Variants in SESTD1 observed in about 807,000 individuals in gnomAD.
The protein encoded by SESTD1 is SEC14 domain and spectrin repeat-containing protein 1.
Under a neutral mutation model 101.7 loss-of-function variants are expected in SESTD1, and 43 were observed. The ratio of observed to expected loss-of-function variants is 0.42; its 90% confidence interval spans 0.33 to 0.55. SESTD1 has a LOEUF of 0.55. SESTD1 is among the 20% of genes least tolerant of loss of function. The pLI, the probability that SESTD1 is intolerant of heterozygous loss-of-function variation, is 0.07. For synonymous variants in SESTD1, 283 were observed against 286.8 expected (o/e 0.99, Z 0.13); for missense variants, 647 against 815.1 (o/e 0.79, Z 2.51).
At chr2:179,184,572 T>C (rs924329200) in intron 2 of SESTD1, among the ~76,000 whole-genome samples, 1 of 150,830 alleles carries the variant, frequency 6.6e-6, no homozygotes, top group Non-Finnish European at 1.5e-5. Context: ...AAAAAAAAAA[T>C]GGATTAACAC....
intron 1 of SESTD1, among the ~76,000 whole-genome samples, chr2:179,241,429 T>C (rs1403122415): frequency 6.6e-6 from 1 of 152,066 alleles, no homozygotes; most frequent in African/African-American, 2.4e-5. Context: ...ATTAAACTTT[T>C]GAAAACTAAG....
chr2:179,199,763 T>G (rs950788019), intron 1 of SESTD1, among the ~76,000 whole-genome samples: 1 of 152,228 alleles, frequency 6.6e-6, no homozygotes, highest in Non-Finnish European at 1.5e-5. Context: ...CAACCCTTCA[T>G]GCTAAAAACT....
intron 2 of SESTD1, among the ~76,000 whole-genome samples, chr2:179,189,728 G>C (rs1043953132): frequency 3.3e-5 from 5 of 151,928 alleles, no homozygotes; most frequent in African/African-American, 9.7e-5. Flanking sequence ...TAAAATGTCA[G>C]GGTAAAAAAA....
chr2:179,163,206 C>G (rs1379489699), intron 5 of SESTD1, among the ~76,000 whole-genome samples: 1 of 152,070 alleles, frequency 6.6e-6, no homozygotes, highest in Non-Finnish European at 1.5e-5. Flanking sequence ...TACTAGTAAC[C>G]TCATTTATCA....
chr2:179,137,208 C>G (rs1302963931), intron 9 of SESTD1, among the ~76,000 whole-genome samples: 3 of 152,168 alleles, frequency 2.0e-5, no homozygotes, highest in Non-Finnish European at 2.9e-5. Context: ...AACCTTGGAG[C>G]CATGCTTTTA....
At chr2:179,231,977 A>G (rs2046995429) in intron 1 of SESTD1, among the ~76,000 whole-genome samples, 1 of 152,058 alleles carries the variant, frequency 6.6e-6, no homozygotes, top group Admixed American at 6.5e-5. Flanking sequence ...GTACAGACAT[A>G]GGAACATAAC....
intron 10 of SESTD1, among the ~76,000 whole-genome samples, chr2:179,126,449 T>C (rs998023993): frequency 3.9e-5 from 6 of 152,142 alleles, no homozygotes; most frequent in Non-Finnish European, 8.8e-5. Context: ...CTCCCTCTTT[T>C]TGCACTTAAA....
At chr2:179,237,870 T>C (rs932057768) in intron 1 of SESTD1, among the ~76,000 whole-genome samples, 2 of 152,026 alleles carry the variant, frequency 1.3e-5, no homozygotes, top group East Asian at 1.9e-4. Flanking sequence ...AATTTGGAAA[T>C]GAAACTGTAA....
At chr2:179,188,602 G>T (rs1574019061) in intron 2 of SESTD1, among the ~76,000 whole-genome samples, 1 of 152,160 alleles carries the variant, frequency 6.6e-6, no homozygotes, top group East Asian at 1.9e-4. Flanking sequence ...TTGTACTACT[G>T]ATCTCCACCC....
intron 1 of SESTD1, among the ~76,000 whole-genome samples, chr2:179,237,947 A>G (rs2047093550): frequency 6.6e-6 from 1 of 152,182 alleles, no homozygotes; most frequent in Non-Finnish European, 1.5e-5. Context: ...ACATAGTCAA[A>G]AATCCACATG....
intron 5 of SESTD1, among the ~76,000 whole-genome samples, chr2:179,170,834 G>A (rs894617686): frequency 1.3e-5 from 2 of 152,156 alleles, no homozygotes; most frequent in African/African-American, 4.8e-5. Context: ...CATGTACACA[G>A]GCCATGAGGG....
intron 9 of SESTD1, among the ~76,000 whole-genome samples, chr2:179,140,066 C>T (rs2045243204): frequency 6.6e-6 from 1 of 152,164 alleles, no homozygotes; most frequent in Non-Finnish European, 1.5e-5. Context: ...ATTCCGTTTA[C>T]GTCCACCTTG....
rs893018912 is a variant in SESTD1 at position 179,196,940 on chromosome 2, G to A, written c.-25-5074C>T. On this transcript the variant is annotated intron_variant, in intron 1 of 17. Transcript: ENST00000428443. Reference sequence around the variant, plus strand: ...AGGAACGCAGTTCCTCAACAACAACGGAACAAAGCTGGACGGAGAATGATT... The same window carrying A: ...AGGAACGCAGTTCCTCAACAACAACAGAACAAAGCTGGACGGAGAATGATT... Among the ~76,000 whole-genome samples, 93 of 152,186 alleles carry A rather than the reference G, an allele frequency of 6.1e-4. 1 individual carries two copies. Among genetic ancestry groups the A allele is most frequent in the Non-Finnish European group, 1.5e-4 (10 of 68,026 alleles).
intron 3 of SESTD1, among the ~76,000 whole-genome samples, chr2:179,180,717 G>A (rs569164955): frequency 1.3e-5 from 2 of 152,262 alleles, no homozygotes; most frequent in South Asian, 2.1e-4. Context: ...GGGGGGTTAC[G>A]TTTTAAAAGC....
chr2:179,211,852 CAG>C lies in SESTD1; in HGVS notation c.-25-19988_-25-19987del, dbSNP rs1253046650. Among the ~76,000 whole-genome samples the C allele has an allele frequency of 1.9e-4, 25 of 129,026 alleles. 4 individuals carry two copies. The highest frequency in any genetic ancestry group is 3.1e-4 in the Non-Finnish European group (19 of 61,278). The allele number at this position is 129,026 out of a possible 152,430, so 84.6% of individuals were successfully genotyped here. On this transcript the variant is annotated intron_variant, in intron 1 of 17. Coordinates refer to ENST00000428443, the MANE Select transcript of SESTD1 (RefSeq NM_178123.5). ...AATGATATAATGGACTCTGGGGACT[CAG>C]GGGGAAGGGTGGGAGGGGGATGAGA...
intron 9 of SESTD1, among the ~76,000 whole-genome samples, chr2:179,142,685 G>C (rs1457272900): frequency 6.6e-6 from 1 of 152,156 alleles, no homozygotes; most frequent in Non-Finnish European, 1.5e-5. Context: ...TCACTGCCTG[G>C]TGAAATCAGA....
rs781353763 is a variant in SESTD1 at position 179,115,055 on chromosome 2, A to G, written c.1839+10T>C. 6.2e-7 allele frequency: 1 copy of G among 1,604,998 alleles called. No homozygotes were observed. The highest frequency in any genetic ancestry group is 8.5e-7 in the Non-Finnish European group (1 of 1,177,830). ...CCACTGAGAATAACATTTCAAAAAC[A>G]CAAGCAAACCTTTTCAGCATTTGAG... On this transcript the variant is annotated intron_variant, in intron 16 of 17. Transcript: ENST00000428443.
chr2:179,228,337 T>G (rs2046922442), intron 1 of SESTD1, among the ~76,000 whole-genome samples: 1 of 152,224 alleles, frequency 6.6e-6, no homozygotes, highest in Non-Finnish European at 1.5e-5. Flanking sequence ...ATTTCACATT[T>G]TGGGGAGTTA....
At chr2:179,174,259 C>T in intron 4 of SESTD1, 1 of 356,576 alleles carries the variant, frequency 2.8e-6, no homozygotes, top group South Asian at 2.3e-5. Context: ...CAATGAATGA[C>T]TTCATATGTA....
Sources: gnomAD v4.1 joint callset for allele counts (sites outside exome capture counted in the v4.1 genomes callset) on GRCh38, gnomAD v4.1.1 for gene constraint, MANE v1.5 for transcripts, NCBI Gene and HGNC (gene_info 2026-07-23, HGNC 2026-07-21) for gene names.